C2orf49: variants seen among roughly 807,000 people sequenced by gnomAD.
C2orf49 encodes tRNA-splicing ligase complex subunit ASW.
A neutral mutation model predicts 20.6 loss-of-function variants in C2orf49; 11 were observed. The observed-to-expected ratio is 0.53, with a 90% CI of 0.34 to 0.88. C2orf49 has a LOEUF of 0.88. Ranked by LOEUF, C2orf49 falls within the 40% of genes least tolerant of loss-of-function variation. The probability of loss-of-function intolerance (pLI) is 0.02; values close to 1 mark genes in which losing one functional copy is unlikely to be tolerated. For synonymous variants in C2orf49, 134 were observed against 108.5 expected, an observed-to-expected ratio of 1.24 and a Z score of -1.46; for missense variants, 289 against 274.2, an observed-to-expected ratio of 1.05 and a Z score of -0.38.
chr2:105,358,637 GT>G, the C2orf49 span: 1 of 152,200 alleles, frequency 6.6e-6, no homozygotes, highest in African/African-American at 2.4e-5. Flanking sequence ...CTGAATGAAT[GT>G]TTATTTGTTG....
chr2:105,361,176 A>G, the C2orf49 span: 3 of 1,127,246 alleles, frequency 2.7e-6, no homozygotes, highest in Non-Finnish European at 3.9e-6. Flanking sequence ...ACTAGAAGAA[A>G]GTCTCAATGT....
chr2:105,381,720 G>A, the C2orf49 span, among the ~76,000 whole-genome samples: 5 of 152,180 alleles, frequency 3.3e-5, no homozygotes, highest in Admixed American at 1.3e-4. Context: ...ATAAATACGC[G>A]TTTTCAGTGC....
At chr2:105,363,876 G>A in the C2orf49 span, among the ~76,000 whole-genome samples, 1 of 152,204 alleles carries the variant, frequency 6.6e-6, no homozygotes, top group South Asian at 2.1e-4. Flanking sequence ...GCTGGGAGCA[G>A]GTCATGATAA....
At chr2:105,370,502 C>G in the C2orf49 span, among the ~76,000 whole-genome samples, 1 of 152,126 alleles carries the variant, frequency 6.6e-6, no homozygotes, top group Non-Finnish European at 1.5e-5. Context: ...GGCGCGAGAG[C>G]CGGTAAACCC....
At position 105,344,195 on chromosome 2, in the gene C2orf49, C is replaced by G. The variant is rs537000202; in HGVS notation, c.642+972C>G. Among the ~76,000 whole-genome samples, 5 of 152,262 alleles carry G rather than the reference C, an allele frequency of 3.3e-5. No homozygotes were observed. In the South Asian group the frequency reaches 1.0e-3, roughly 32 times the overall value. ...CCAGAATTCCAGAGTTATTAGTAAGCCACCAGGCTGCGATTTGAATTTAGG... is the reference window on the plus strand; with the variant it reads ...CCAGAATTCCAGAGTTATTAGTAAGGCACCAGGCTGCGATTTGAATTTAGG... On this transcript the variant is annotated intron_variant, in intron 3 of 3. Transcript: ENST00000258457.
chr2:105,362,728 G>A, the C2orf49 span, among the ~76,000 whole-genome samples: 1 of 152,206 alleles, frequency 6.6e-6, no homozygotes, highest in East Asian at 1.9e-4. Context: ...TCTCCAGCCT[G>A]CTTAATAGTC....
the C2orf49 span, chr2:105,367,846 A>G: frequency 8.8e-7 from 1 of 1,132,332 alleles, no homozygotes; most frequent in African/African-American, 1.6e-5. Context: ...TGACCAGAGC[A>G]AGCCACTTCA....
the C2orf49 span, among the ~76,000 whole-genome samples, chr2:105,371,592 A>G: frequency 3.4e-5 from 5 of 147,058 alleles, no homozygotes; most frequent in East Asian, 1.0e-3. Flanking sequence ...GTATGTATCT[A>G]TGTGTATACA....
chr2:105,345,528 C>A lies in C2orf49; in HGVS notation c.*157C>A. Reference sequence around the variant, plus strand: ...ATAAAGGATTTATTTTCCTTCCCTTCTTCCCTCCCTCCCTTCCTTTTTTAA... The same window carrying A: ...ATAAAGGATTTATTTTCCTTCCCTTATTCCCTCCCTCCCTTCCTTTTTTAA... On this transcript the variant is annotated 3_prime_UTR_variant, in exon 4 of 4. Coordinates refer to ENST00000258457, the MANE Select transcript of C2orf49 (RefSeq NM_024093.3). 1 of 648,476 alleles carries A rather than the reference C, an allele frequency of 1.5e-6. No individual in the cohort carries two copies. The highest frequency in any genetic ancestry group is 2.7e-6 in the Non-Finnish European group (1 of 373,656). 40.2% of individuals were successfully genotyped at this position (648,476 alleles called of 1,614,324 possible). A position where few individuals can be genotyped will look rare whatever the true frequency, so the allele number is the denominator to read the frequency against.
chr2:105,363,164 G>T, the C2orf49 span: 2 of 888,348 alleles, frequency 2.3e-6, no homozygotes, highest in East Asian at 2.6e-5. Flanking sequence ...AAAGTCTGCT[G>T]TGTTCAGAGC....
At chr2:105,357,234 T>C in the C2orf49 span, among the ~76,000 whole-genome samples, 3 of 152,200 alleles carry the variant, frequency 2.0e-5, no homozygotes, top group Admixed American at 1.3e-4. Flanking sequence ...TGAGGCTCTT[T>C]TAATTTCTCT....
the C2orf49 span, among the ~76,000 whole-genome samples, chr2:105,362,091 T>C: frequency 2.0e-5 from 3 of 152,242 alleles, no homozygotes; most frequent in African/African-American, 7.2e-5. Context: ...CATTTAAAAG[T>C]GCTTTTATAT....
chr2:105,378,992 A>G, the C2orf49 span, among the ~76,000 whole-genome samples: 1 of 152,130 alleles, frequency 6.6e-6, no homozygotes, highest in Non-Finnish European at 1.5e-5. Flanking sequence ...CCCACAGTCC[A>G]CATCTCTTGT....
the C2orf49 span, among the ~76,000 whole-genome samples, chr2:105,381,429 G>A: frequency 6.6e-6 from 1 of 152,098 alleles, no homozygotes; most frequent in African/African-American, 2.4e-5. Context: ...CTTATAGGTG[G>A]CAGGACTTGT....
At chr2:105,378,911 G>C in the C2orf49 span, 1 of 152,194 alleles carries the variant, frequency 6.6e-6, no homozygotes, top group Non-Finnish European at 1.5e-5. Context: ...TGCAGTACAG[G>C]GTGGTGGGCT....
At chr2:105,373,798 G>T in the C2orf49 span, 2 of 1,564,254 alleles carry the variant, frequency 1.3e-6, no homozygotes, top group South Asian at 1.1e-5. Context: ...CACAGCATAG[G>T]GGCCCCTTGC....
At chr2:105,339,862 A>G (rs546970152) in intron 2 of C2orf49, 113 bp downstream of exon 2, 11 of 936,146 alleles carry the variant, frequency 1.2e-5, no homozygotes, top group African/African-American at 6.8e-5. Flanking sequence ...CTCAATGACT[A>G]TCTATTGAGC....
At chr2:105,374,510 G>C in the C2orf49 span, 2 of 152,410 alleles carry the variant, frequency 1.3e-5, no homozygotes, top group African/African-American at 2.4e-5. Context: ...GCTCAGACTG[G>C]GGGACGGGTA....
chr2:105,350,625 C>T (rs561384600), downstream of C2orf49, among the ~76,000 whole-genome samples: 4 of 152,330 alleles, frequency 2.6e-5, no homozygotes, highest in African/African-American at 9.6e-5. Context: ...ATTTAGGAGA[C>T]TGTAAAATGC....
Sources: allele counts gnomAD v4.1 joint callset (sites outside exome capture counted in the v4.1 genomes callset), GRCh38; gene constraint gnomAD v4.1.1; transcripts MANE v1.5; gene names NCBI Gene and HGNC (gene_info 2026-07-23, HGNC 2026-07-21).